MYO5B: variants seen among roughly 807,000 people sequenced by gnomAD.
MYO5B encodes unconventional myosin-Vb.
In MYO5B, 143 loss-of-function variants were observed where a neutral mutation model predicts 229.3. The ratio of observed to expected loss-of-function variants is 0.62; its 90% confidence interval spans 0.54 to 0.72. The LOEUF (loss-of-function observed/expected upper bound fraction) is 0.72. MYO5B is among the 30% of genes least tolerant of loss of function. The pLI is 0.00. For synonymous variants in MYO5B, 918 were observed against 885.2 expected (o/e 1.04, Z -0.66); for missense variants, 2,321 against 2,331.0 (o/e 1.00, Z 0.09).
intron 1 of MYO5B, chr18:50,064,545 T>C (rs1361328546): frequency 1.3e-5 from 2 of 152,212 alleles, no homozygotes; most frequent in African/African-American, 4.8e-5. Context: ...TCACTTAAGA[T>C]AGTTTTCCAG....
chr18:49,949,546 CG>C (rs555072583), intron 14 of MYO5B, among the ~76,000 whole-genome samples: 1 of 152,132 alleles, frequency 6.6e-6, no homozygotes, highest in Non-Finnish European at 1.5e-5. Flanking sequence ...TTTCACTGCT[CG>C]TAGTGGGAGT....
intron 1 of MYO5B, among the ~76,000 whole-genome samples, chr18:50,085,672 C>T (rs1162475597): frequency 6.6e-6 from 1 of 152,162 alleles, no homozygotes; most frequent in Non-Finnish European, 1.5e-5. Flanking sequence ...ACCCAGATGT[C>T]CAACAATGAT....
At chr18:50,020,727 G>A (rs1460923140) in intron 4 of MYO5B, among the ~76,000 whole-genome samples, 2 of 152,190 alleles carry the variant, frequency 1.3e-5, no homozygotes, top group African/African-American at 2.4e-5. Flanking sequence ...GGTAGAAATC[G>A]AAGGCAACAG....
intron 4 of MYO5B, among the ~76,000 whole-genome samples, chr18:50,031,301 A>G (rs2026386192): frequency 6.6e-6 from 1 of 152,064 alleles, no homozygotes; most frequent in Admixed American, 6.6e-5. Flanking sequence ...TTCTCAGGTA[A>G]TGGAGGAAGC....
chr18:49,947,178 T>C (rs1255798561), intron 14 of MYO5B, among the ~76,000 whole-genome samples: 1 of 141,300 alleles, frequency 7.1e-6, no homozygotes, highest in Non-Finnish European at 1.5e-5. Context: ...CGATCTCAGC[T>C]CACTGCAAAC....
intron 18 of MYO5B, 64 bp downstream of exon 18, chr18:49,911,998 G>A (rs374509794): frequency 1.1e-4 from 131 of 1,222,080 alleles, no homozygotes; most frequent in Admixed American, 8.7e-4. Flanking sequence ...AGATAACGAC[G>A]CCACCCCCTC....
At chr18:49,999,490 A>G (rs181028601) in intron 5 of MYO5B, among the ~76,000 whole-genome samples, 323 of 152,362 alleles carry the variant, frequency 2.1e-3, no homozygotes, top group Non-Finnish European at 3.6e-3. Context: ...ATTATGGTAA[A>G]GCCATTTATT....
chr18:50,061,302 T>G (rs2030680828), intron 1 of MYO5B, among the ~76,000 whole-genome samples: 1 of 152,130 alleles, frequency 6.6e-6, no homozygotes, highest in Non-Finnish European at 1.5e-5. Context: ...CCTCGTGAAG[T>G]GTTCTAAGAA....
chr18:49,863,692 G>A (rs958635660), intron 28 of MYO5B, among the ~76,000 whole-genome samples: 2 of 152,192 alleles, frequency 1.3e-5, no homozygotes, highest in African/African-American at 2.4e-5. Flanking sequence ...ATGCCCAGAA[G>A]TGGCTCAGGT....
chr18:50,010,506 T>C (rs1409663589), intron 4 of MYO5B, among the ~76,000 whole-genome samples: 1 of 152,216 alleles, frequency 6.6e-6, no homozygotes, highest in African/African-American at 2.4e-5. Context: ...TCTGGAAGAT[T>C]ATCCCTAGGA....
At position 49,962,495 on chromosome 18, in the gene MYO5B, G is replaced by A. The variant is rs1306213604; in HGVS notation, c.1405-89C>T. ...GGGGCTCAGTGAGTTCTGGGTTCTG[G>A]AGGACAGCAGAGAACTGCCAGATAA... is the stretch of plus-strand genomic sequence containing the variant. On this transcript the variant is annotated intron_variant, in intron 11 of 39. Transcript: ENST00000285039. 4.5e-6 allele frequency: 7 copies of A among 1,550,384 alleles called. No individual in the cohort carries two copies. In the Admixed American group the frequency reaches 5.1e-5, roughly 11 times the overall value.
In MYO5B at chr18:49,880,438, C is replaced by T; in HGVS notation, c.3063G>A (p.Glu1021=). Residue 1021 remains glutamate (E), a synonymous_variant, in exon 23 of 40, where the codon GAG becomes GAA. Transcript: ENST00000285039. ...DELRKRVADL[E]QENALLKDEK... is the part of the protein sequence containing the mutation. ...CATCTTTCAAGAGAGCATTTTCTTG[C>T]TCCAGGTCTGCAACTCGCTGGAAGA... 2 of 1,614,082 alleles carry T rather than the reference C, an allele frequency of 1.2e-6. No homozygotes were observed. The highest frequency in any genetic ancestry group is 1.7e-6 in the Non-Finnish European group (2 of 1,179,942).
intron 1 of MYO5B, among the ~76,000 whole-genome samples, chr18:50,192,850 G>T (rs556239254): frequency 6.6e-6 from 1 of 152,276 alleles, no homozygotes; most frequent in Non-Finnish European, 1.5e-5. Flanking sequence ...ACTTAAAAAA[G>T]TGTCTTGAAC....
chr18:50,020,505 C>A (rs1401385980), intron 4 of MYO5B, among the ~76,000 whole-genome samples: 1 of 152,238 alleles, frequency 6.6e-6, no homozygotes, highest in African/African-American at 2.4e-5. Flanking sequence ...TAGTGACCCC[C>A]TTTCTCTGCC....
rs2024891970 is a variant in MYO5B, at chr18:49,905,751, G to A, written c.2414+668C>T. On this transcript the variant is annotated intron_variant, in intron 19 of 39. Transcript: ENST00000285039. The stretch of plus-strand genomic sequence containing the variant: ...CTAACAACCGAGGGTAGGGTCAGAG[G>A]GCAGGCTGTCTTCAGCCTGTCTTGG... Among the ~76,000 whole-genome samples the A allele has an allele frequency of 2.6e-5, 4 of 152,258 alleles. No individual in the cohort carries two copies. The South Asian group carries it at 8.3e-4, about 32-fold the overall frequency.
chr18:50,040,463 T>C lies in MYO5B; in HGVS notation c.139-149A>G, dbSNP rs903541784. On this transcript the variant is annotated intron_variant, in intron 2 of 39. Transcript: ENST00000285039. ...TTAAAGAAAGACAAGCTGAACAAAATACCTGTGTTGCCATGAGAGACCAGT... is the reference window on the plus strand; with the variant it reads ...TTAAAGAAAGACAAGCTGAACAAAACACCTGTGTTGCCATGAGAGACCAGT... 1.5e-5 allele frequency: 13 copies of C among 891,720 alleles called. No individual in the cohort carries two copies. The African/African-American group carries it at 2.1e-4, about 15-fold the overall frequency. 55.2% of individuals were successfully genotyped at this position (891,720 alleles called of 1,614,324 possible).
chr18:50,182,208 G>A (rs2033082757), intron 1 of MYO5B, among the ~76,000 whole-genome samples: 1 of 152,190 alleles, frequency 6.6e-6, no homozygotes, highest in South Asian at 2.1e-4. Context: ...TTCTAGGTGA[G>A]AGAAGAAAAC....
chr18:49,909,021 C>T (rs1364870960), intron 18 of MYO5B, among the ~76,000 whole-genome samples: 1 of 152,198 alleles, frequency 6.6e-6, no homozygotes, highest in Non-Finnish European at 1.5e-5. Flanking sequence ...GGAAGGTGGT[C>T]TTTAAGTGCC....
chr18:50,000,778 A>C (rs2026037741), intron 5 of MYO5B, among the ~76,000 whole-genome samples: 1 of 152,202 alleles, frequency 6.6e-6, no homozygotes, highest in South Asian at 2.1e-4. Flanking sequence ...AGGTTATCAC[A>C]TACCTTTTGG....
Sources: allele counts gnomAD v4.1 joint callset (sites outside exome capture counted in the v4.1 genomes callset), GRCh38; gene constraint gnomAD v4.1.1; transcripts MANE v1.5; gene names NCBI Gene and HGNC (gene_info 2026-07-23, HGNC 2026-07-21).